CMSS1: variants seen among roughly 807,000 people sequenced by gnomAD.
CMSS1 encodes the protein cms1 ribosomal small subunit homolog, also known as protein CMSS1.
A neutral mutation model predicts 43.5 loss-of-function variants in CMSS1; 33 were observed. The observed-to-expected ratio is 0.76, with a 90% confidence interval of 0.57 to 1.01. The LOEUF (loss-of-function observed/expected upper bound fraction) is 1.01, where lower values mean the gene tolerates loss of function less well. Among genes scored for constraint, CMSS1 ranks in the 50% least tolerant of loss-of-function variants. CMSS1 has a pLI of 0.00. For missense variants in CMSS1, 313 were observed against 326.4 expected (o/e 0.96, Z 0.32); for synonymous variants, 115 against 117.2 (o/e 0.98, Z 0.12).
At chr3:100,040,527 A>T (rs1001847683) in intron 1 of CMSS1, 3 of 152,108 alleles carry the variant, frequency 2.0e-5, no homozygotes, top group African/African-American at 7.2e-5. Context: ...ATTTGTACAG[A>T]CTTCTCTGCA....
At chr3:100,042,316 T>C (rs2065218355) in intron 1 of CMSS1, among the ~76,000 whole-genome samples, 1 of 152,170 alleles carries the variant, frequency 6.6e-6, no homozygotes, top group African/African-American at 2.4e-5. Flanking sequence ...TTTTGTATTC[T>C]AATAAGAAGA....
At position 100,178,326 on chromosome 3, in the gene CMSS1, C is replaced by A; in HGVS notation, c.778C>A (p.Leu260Ile). 6.2e-7 allele frequency: 1 copy of A among 1,612,544 alleles called. No individual in the cohort carries two copies. Among genetic ancestry groups the A allele is most frequent in the Non-Finnish European group, 8.5e-7 (1 of 1,178,740 alleles). ...IPEIRKEVFELLEMGVLSLCK... is the reference protein window; with the variant it reads ...IPEIRKEVFEILEMGVLSLCK... Reference sequence around the variant, plus strand: ...TTAGATAAGAAAGGAGGTATTCGAACTTCTGGAAATGGGAGTGCTCAGTCT... The same window carrying A: ...TTAGATAAGAAAGGAGGTATTCGAAATTCTGGAAATGGGAGTGCTCAGTCT... The change falls in exon 10 of 10, where the codon CTT becomes ATT. Residue 260 changes from leucine to isoleucine, a missense_variant. Leu to Ile is a conservative substitution (Grantham distance 5). Transcript: ENST00000421999.
intron 1 of CMSS1, among the ~76,000 whole-genome samples, chr3:99,943,918 T>C (rs745519419): frequency 2.0e-5 from 3 of 152,176 alleles, no homozygotes; most frequent in Non-Finnish European, 4.4e-5. Flanking sequence ...CTCAGTGTTT[T>C]ATAGGGTTAT....
intron 2 of CMSS1, among the ~76,000 whole-genome samples, chr3:100,156,639 G>C (rs946894094): frequency 6.6e-6 from 1 of 150,708 alleles, no homozygotes; most frequent in Non-Finnish European, 1.5e-5. Flanking sequence ...TTTTTGAGAC[G>C]GAGTCTCGCT....
At chr3:100,117,830 T>TATATATATATATATATATATATAC (rs1348402302) in intron 1 of CMSS1, among the ~76,000 whole-genome samples, 7 of 87,758 alleles carry the variant, frequency 8.0e-5, no homozygotes, top group South Asian at 3.9e-4. Context: ...CTGCAGTATA[T>TATATATATATATATATATATATAC]ATATATATAT....
intron 1 of CMSS1, among the ~76,000 whole-genome samples, chr3:100,071,403 C>A (rs2065761202): frequency 6.6e-6 from 1 of 152,138 alleles, no homozygotes; most frequent in South Asian, 2.1e-4. Context: ...GCCAGCCTCC[C>A]CATCTTAACT....
At chr3:99,942,850 A>C (rs1042595109) in intron 1 of CMSS1, among the ~76,000 whole-genome samples, 2 of 152,014 alleles carry the variant, frequency 1.3e-5, no homozygotes, top group Non-Finnish European at 2.9e-5. Flanking sequence ...CTGAAAAACA[A>C]GAGGTGATTT....
chr3:99,818,625 A>G (rs1240414303), intron 1 of CMSS1, among the ~76,000 whole-genome samples: 1 of 152,168 alleles, frequency 6.6e-6, no homozygotes, highest in African/African-American at 2.4e-5. Flanking sequence ...ATTATCATGG[A>G]ATTTGGAATA....
chr3:99,964,259 C>G (rs1174011289), intron 1 of CMSS1: 1 of 151,532 alleles, frequency 6.6e-6, no homozygotes, highest in African/African-American at 2.4e-5. Flanking sequence ...GATCTTACCT[C>G]TAGCTAGGTT....
At position 99,817,898 on chromosome 3, in the gene CMSS1, C is replaced by T. The variant is rs1942352317; in HGVS notation, c.-82C>T. The stretch of plus-strand genomic sequence containing the variant: ...GGAGCTCCGCGTGTAGCTACGCCGG[C>T]CGCCTGGCTTTGAGACAACGTGATT... On this transcript the variant is annotated 5_prime_UTR_variant, in exon 1 of 10. Transcript: ENST00000421999. 1 of 1,466,284 alleles carries T rather than the reference C, an allele frequency of 6.8e-7. No individual in the cohort carries two copies. Among genetic ancestry groups the T allele is most frequent in the South Asian group, 1.2e-5 (1 of 86,366 alleles). The allele number at this position is 1,466,284 out of a possible 1,614,324, so 90.8% of individuals were successfully genotyped here. A position where few individuals can be genotyped will look rare whatever the true frequency, so the allele number is the denominator to read the frequency against.
intron 1 of CMSS1, among the ~76,000 whole-genome samples, chr3:100,075,413 T>G (rs575761622): frequency 1.1e-4 from 17 of 152,172 alleles, no homozygotes; most frequent in Non-Finnish European, 2.4e-4. Context: ...TCCACTTTTA[T>G]TTTAGGAAGC....
At chr3:99,841,685 C>T (rs1943138664) in intron 1 of CMSS1, among the ~76,000 whole-genome samples, 1 of 152,096 alleles carries the variant, frequency 6.6e-6, no homozygotes, top group African/African-American at 2.4e-5. Flanking sequence ...CATGAATAGA[C>T]AATTCTCAAA....
At chr3:99,995,205 C>T (rs962259381) in intron 1 of CMSS1, among the ~76,000 whole-genome samples, 11 of 152,284 alleles carry the variant, frequency 7.2e-5, no homozygotes, top group Middle Eastern at 3.4e-3. Context: ...GTAAATACAG[C>T]TGTTCCAAAT....
chr3:100,143,093 G>T (rs1375148724), intron 1 of CMSS1, among the ~76,000 whole-genome samples: 1 of 152,116 alleles, frequency 6.6e-6, no homozygotes, highest in Non-Finnish European at 1.5e-5. Context: ...GATGAAGATG[G>T]GTTGGAGAAT....
At chr3:100,029,501 A>T (rs2064986626) in intron 1 of CMSS1, among the ~76,000 whole-genome samples, 1 of 152,174 alleles carries the variant, frequency 6.6e-6, no homozygotes, top group African/African-American at 2.4e-5. Context: ...TTTTGTTTCT[A>T]AAAATATAGC....
intron 1 of CMSS1, among the ~76,000 whole-genome samples, chr3:99,912,374 T>G (rs368709375): frequency 2.6e-4 from 40 of 152,248 alleles, no homozygotes; most frequent in East Asian, 1.5e-3. Flanking sequence ...GGCTGCTGCT[T>G]CTTTTTTCTG....
At chr3:100,174,676 C>T (rs1250731757) in intron 8 of CMSS1, among the ~76,000 whole-genome samples, 1 of 152,110 alleles carries the variant, frequency 6.6e-6, no homozygotes, top group Non-Finnish European at 1.5e-5. Flanking sequence ...AACAGAGTGA[C>T]ACCAATAGCA....
intron 1 of CMSS1, among the ~76,000 whole-genome samples, chr3:100,010,395 G>A (rs1006152475): frequency 2.0e-5 from 3 of 152,068 alleles, no homozygotes; most frequent in East Asian, 3.9e-4. Flanking sequence ...AAAGAAACCT[G>A]CCTCTTTATA....
chr3:99,825,215 A>G (rs1426725125), intron 1 of CMSS1, among the ~76,000 whole-genome samples: 2 of 152,256 alleles, frequency 1.3e-5, no homozygotes, highest in Non-Finnish European at 2.9e-5. Flanking sequence ...TTTCATAATC[A>G]TTCGTCAAGC....
Sources: allele counts gnomAD v4.1 joint callset (sites outside exome capture counted in the v4.1 genomes callset), GRCh38; gene constraint gnomAD v4.1.1; transcripts MANE v1.5; gene names NCBI Gene and HGNC (gene_info 2026-07-23, HGNC 2026-07-21).